The following CACNA2D3 variants were observed in gnomAD, a reference collection of about 807,000 sequenced individuals.
The protein encoded by CACNA2D3 is voltage-dependent calcium channel subunit alpha-2/delta-3.
Under a neutral mutation model 160.6 loss-of-function variants are expected in CACNA2D3, and 60 were observed. The observed-to-expected ratio is 0.37, with a 90% CI of 0.30 to 0.46. The LOEUF (loss-of-function observed/expected upper bound fraction) is 0.46. CACNA2D3 is among the 20% of genes least tolerant of loss of function. The pLI, the probability that CACNA2D3 is intolerant of heterozygous loss-of-function variation, is 1.00. For synonymous variants in CACNA2D3, 558 were observed against 492.9 expected, an observed-to-expected ratio of 1.13 and a Z score of -1.75; for missense variants, 1,205 against 1,365.0, an observed-to-expected ratio of 0.88 and a Z score of 1.85.
chr3:54,963,791 A>C (rs906046606), intron 27 of CACNA2D3, among the ~76,000 whole-genome samples: 1 of 152,078 alleles, frequency 6.6e-6, no homozygotes. Context: ...TCTTTTTCTC[A>C]ATACACCTAT....
At chr3:54,534,249 A>G (rs1363722039) in intron 5 of CACNA2D3, among the ~76,000 whole-genome samples, 1 of 152,200 alleles carries the variant, frequency 6.6e-6, no homozygotes, top group African/African-American at 2.4e-5. Flanking sequence ...TGGCAGAATT[A>G]TGGGTAGTTT....
chr3:54,795,324 A>G (rs1335535266), intron 13 of CACNA2D3, among the ~76,000 whole-genome samples: 6 of 152,060 alleles, frequency 3.9e-5, no homozygotes, highest in Non-Finnish European at 8.8e-5. Context: ...GTCTTTTATT[A>G]AATTTTAGCA....
intron 11 of CACNA2D3, among the ~76,000 whole-genome samples, chr3:54,746,071 A>T (rs1195380421): frequency 6.6e-6 from 1 of 152,122 alleles, no homozygotes; most frequent in African/African-American, 2.4e-5. Context: ...TATGAGCGTG[A>T]TGGCTTATAG....
At chr3:54,200,327 G>A (rs928673385) in intron 2 of CACNA2D3, among the ~76,000 whole-genome samples, 10 of 152,268 alleles carry the variant, frequency 6.6e-5, no homozygotes, top group Middle Eastern at 3.4e-3. Context: ...TTGCAGATTG[G>A]GTTTAGACCT....
intron 3 of CACNA2D3, among the ~76,000 whole-genome samples, chr3:54,363,278 C>A (rs1202177413): frequency 2.0e-5 from 3 of 152,110 alleles, no homozygotes; most frequent in African/African-American, 4.8e-5. Flanking sequence ...GGAAAACACA[C>A]ATACACGATC....
At chr3:55,020,379 T>G (rs2107160802) in intron 35 of CACNA2D3, among the ~76,000 whole-genome samples, 1 of 149,206 alleles carries the variant, frequency 6.7e-6, no homozygotes, top group South Asian at 2.1e-4. Flanking sequence ...TTTGTGATTC[T>G]ATTTTCATAA....
At chr3:54,714,848 G>A (rs2106970994) in intron 11 of CACNA2D3, among the ~76,000 whole-genome samples, 1 of 152,326 alleles carries the variant, frequency 6.6e-6, no homozygotes, top group African/African-American at 2.4e-5. Flanking sequence ...ATGTGGATGA[G>A]TGGATACAGA....
intron 11 of CACNA2D3, among the ~76,000 whole-genome samples, chr3:54,666,387 GC>G: frequency 6.6e-6 from 1 of 152,320 alleles, no homozygotes; most frequent in Non-Finnish European, 1.5e-5. Flanking sequence ...ACAAAGCTCT[GC>G]CTAGGTTTCT....
At chr3:54,798,973 T>C (rs1008004249) in intron 13 of CACNA2D3, among the ~76,000 whole-genome samples, 19 of 152,226 alleles carry the variant, frequency 1.2e-4, no homozygotes, top group African/African-American at 4.3e-4. Context: ...CTTTAAAAAA[T>C]GATAGAGTAA....
intron 27 of CACNA2D3, among the ~76,000 whole-genome samples, chr3:54,916,331 G>A (rs1476617672): frequency 6.6e-6 from 1 of 152,082 alleles, no homozygotes; most frequent in Non-Finnish European, 1.5e-5. Flanking sequence ...GGAAAGAAAG[G>A]TTTTTTCACT....
intron 2 of CACNA2D3, among the ~76,000 whole-genome samples, chr3:54,240,396 T>C (rs1290407893): frequency 6.6e-6 from 1 of 152,156 alleles, no homozygotes; most frequent in Non-Finnish European, 1.5e-5. Context: ...TTACTAGATA[T>C]AATAATGCTT....
intron 10 of CACNA2D3, among the ~76,000 whole-genome samples, chr3:54,635,621 T>A (rs1699353521): frequency 6.6e-6 from 1 of 152,004 alleles, no homozygotes; most frequent in Non-Finnish European, 1.5e-5. Flanking sequence ...AGGACAGGCC[T>A]GAATTCTGAG....
intron 31 of CACNA2D3, among the ~76,000 whole-genome samples, chr3:54,999,829 C>A (rs1221485993): frequency 6.6e-6 from 1 of 152,204 alleles, no homozygotes. Context: ...AGAACAGTAT[C>A]AGCAAAATGG....
intron 27 of CACNA2D3, among the ~76,000 whole-genome samples, chr3:54,932,354 C>T (rs541780691): frequency 9.5e-4 from 140 of 148,106 alleles, no homozygotes; most frequent in African/African-American, 3.4e-3. Context: ...TATAAATACG[C>T]GTTGGTTTGT....
intron 4 of CACNA2D3, among the ~76,000 whole-genome samples, chr3:54,388,768 C>T (rs144871525): frequency 7.9e-5 from 12 of 152,182 alleles, no homozygotes; most frequent in African/African-American, 2.4e-4. Context: ...GTAGAGTGGG[C>T]CAGAAGGGAT....
Position 54,429,581 on chromosome 3 carries a change from C to T in CACNA2D3, c.381+42807C>T, listed in dbSNP as rs1044735355. On this transcript the variant is annotated intron_variant, in intron 4 of 37. Transcript: ENST00000474759. ...AGCTTCTCAGCTGTGGCTGAGGAGC[C>T]GTTCAGTGAGAGTTGAAAAGACTGG... Among the ~76,000 whole-genome samples the T allele has an allele frequency of 1.2e-4, 19 of 152,116 alleles. No homozygotes were observed. The South Asian group carries it at 1.5e-3, about 12-fold the overall frequency.
intron 11 of CACNA2D3, among the ~76,000 whole-genome samples, chr3:54,727,532 A>C (rs1235217246): frequency 6.6e-6 from 1 of 152,240 alleles, no homozygotes; most frequent in African/African-American, 2.4e-5. Context: ...AATAGACTGG[A>C]TAAAGAAAAT....
intron 3 of CACNA2D3, among the ~76,000 whole-genome samples, chr3:54,329,660 T>C (rs1015794932): frequency 1.3e-5 from 2 of 152,166 alleles, no homozygotes; most frequent in African/African-American, 4.8e-5. Flanking sequence ...AAAAGCAATC[T>C]TAAAAGGTTT....
Position 54,750,205 on chromosome 3 carries a change from A to G in CACNA2D3, c.1168-2394A>G, listed in dbSNP as rs1701832156. Among the ~76,000 whole-genome samples, 2 of 152,198 alleles carry G rather than the reference A, an allele frequency of 1.3e-5. 1 individual carries two copies. The highest frequency in any genetic ancestry group is 4.1e-4 in the South Asian group (2 of 4,820). ...GTTTATATGAAGGCTCTTCGTCTAG[A>G]CAGCAGAGGAGGCTGGCACTCACAG... On this transcript the variant is annotated intron_variant, in intron 11 of 37. Transcript: ENST00000474759.
Sources: gnomAD v4.1 joint callset for allele counts (sites outside exome capture counted in the v4.1 genomes callset) on GRCh38, gnomAD v4.1.1 for gene constraint, MANE v1.5 for transcripts, NCBI Gene and HGNC (gene_info 2026-07-23, HGNC 2026-07-21) for gene names.